Variants in SEMA6A observed in about 807,000 individuals in gnomAD.
SEMA6A encodes semaphorin 6A.
In SEMA6A, 25 loss-of-function variants were observed where a neutral mutation model predicts 96.8. That is an observed-to-expected ratio of 0.26 (90% CI 0.19 to 0.36). The LOEUF (loss-of-function observed/expected upper bound fraction) is 0.36. Among genes scored for constraint, SEMA6A ranks in the 10% least tolerant of loss-of-function variants. SEMA6A has a pLI of 1.00. For synonymous variants in SEMA6A, 612 were observed against 518.0 expected (o/e 1.18, Z -2.46); for missense variants, 1,363 against 1,323.1 (o/e 1.03, Z -0.47).
At chr5:116,493,099 G>A (rs1394856255) in intron 6 of SEMA6A, among the ~76,000 whole-genome samples, 1 of 152,220 alleles carries the variant, frequency 6.6e-6, no homozygotes, top group Non-Finnish European at 1.5e-5. Context: ...GCATGTCTCA[G>A]CAGGTGTGGC....
chr5:116,497,423 C>T (rs766826478), intron 3 of SEMA6A, 36 bp from the exon 4 acceptor site: 2 of 1,334,122 alleles, frequency 1.5e-6, no homozygotes, highest in South Asian at 1.2e-5. Context: ...AGGTCAAACA[C>T]AGAGTCAAAA....
Position 116,467,972 on chromosome 5 carries a change from A to G in SEMA6A, c.1730-225T>C, listed in dbSNP as rs1755878864. 6 of 536,102 alleles carry G rather than the reference A, an allele frequency of 1.1e-5. No homozygotes were observed. The Admixed American group carries it at 2.0e-4, about 18-fold the overall frequency. 33.2% of individuals were successfully genotyped at this position (536,102 alleles called of 1,614,324 possible). A position where few individuals can be genotyped will look rare whatever the true frequency, so the allele number is the denominator to read the frequency against. On this transcript the variant is annotated intron_variant, in intron 17 of 18. Coordinates refer to ENST00000343348, the MANE Select transcript of SEMA6A (RefSeq NM_020796.5). ...TTGTAGTTAGAAAATGAAGGGCCAG[A>G]TCCTATCTCTCATACTTGCTGGGTG... is the stretch of plus-strand genomic sequence containing the variant.
At chr5:116,496,090 T>A in intron 5 of SEMA6A, 161 bp downstream of exon 5, 1 of 609,380 alleles carries the variant, frequency 1.6e-6, no homozygotes, top group Admixed American at 3.0e-5. Context: ...AAAAGCAAAC[T>A]ATTTTTGCAA....
chr5:116,561,862 C>T (rs1406993884), intron 1 of SEMA6A, among the ~76,000 whole-genome samples: 2 of 152,150 alleles, frequency 1.3e-5, no homozygotes, highest in Non-Finnish European at 2.9e-5. Flanking sequence ...GCATATTCAA[C>T]ATGTTGAACT....
intron 17 of SEMA6A, chr5:116,471,544 G>C (rs1352306501): frequency 1.3e-5 from 2 of 152,160 alleles, no homozygotes; most frequent in African/African-American, 4.8e-5. Context: ...CCTCAAGGCA[G>C]TCTCAACTAG....
chr5:116,552,139 G>A (rs539100307), intron 1 of SEMA6A, among the ~76,000 whole-genome samples: 3 of 152,184 alleles, frequency 2.0e-5, no homozygotes, highest in African/African-American at 7.2e-5. Flanking sequence ...TGAGCTATAG[G>A]CTTGTTCTTG....
chr5:116,550,795 G>A (rs991906259), intron 1 of SEMA6A: 3 of 152,190 alleles, frequency 2.0e-5, no homozygotes, highest in Non-Finnish European at 4.4e-5. Flanking sequence ...TTCTCAGGAT[G>A]ATTAATTAAA....
chr5:116,501,642 C>T (rs1757886308), intron 3 of SEMA6A, among the ~76,000 whole-genome samples: 1 of 152,210 alleles, frequency 6.6e-6, no homozygotes, highest in South Asian at 2.1e-4. Flanking sequence ...AATCCCAGCA[C>T]TTTGGGAGGC....
At chr5:116,545,519 G>T in intron 1 of SEMA6A, among the ~76,000 whole-genome samples, 1 of 152,052 alleles carries the variant, frequency 6.6e-6, no homozygotes, top group East Asian at 1.9e-4. Flanking sequence ...GTAGTGAGCC[G>T]AGATTGCGCC....
At chr5:116,511,714 C>G (rs1758414034) in intron 1 of SEMA6A, among the ~76,000 whole-genome samples, 1 of 152,136 alleles carries the variant, frequency 6.6e-6, no homozygotes, top group South Asian at 2.1e-4. Flanking sequence ...GTGATTGCAG[C>G]CTTAAGGTGA....
chr5:116,487,055 A>C (rs1174992709), intron 9 of SEMA6A, 89 bp from the exon 10 acceptor site: 1 of 910,840 alleles, frequency 1.1e-6, no homozygotes, highest in Non-Finnish European at 1.8e-6. Flanking sequence ...AAACAGAAAC[A>C]AAACAACAAG....
At chr5:116,554,121 G>C (rs188607826) in intron 1 of SEMA6A, among the ~76,000 whole-genome samples, 1 of 152,278 alleles carries the variant, frequency 6.6e-6, no homozygotes. Context: ...CAGTAAAAGT[G>C]TTTTAAACCA....
chr5:116,452,726 G>C (rs748716992), intron 18 of SEMA6A, among the ~76,000 whole-genome samples: 3 of 152,152 alleles, frequency 2.0e-5, no homozygotes, highest in African/African-American at 4.8e-5. Context: ...CGTGCAAAGG[G>C]AACCTAGCAC....
At chr5:116,462,319 G>C (rs1463159787) in intron 18 of SEMA6A, among the ~76,000 whole-genome samples, 1 of 152,184 alleles carries the variant, frequency 6.6e-6, no homozygotes, top group Non-Finnish European at 1.5e-5. Context: ...GAGAAAAGGA[G>C]AAGGGTCAAG....
In SEMA6A at chr5:116,447,424, G is replaced by C; in HGVS notation, c.2282C>G (p.Thr761Ser). 6.2e-7 allele frequency: 1 copy of C among 1,614,084 alleles called. No individual in the cohort carries two copies. Among genetic ancestry groups the C allele is most frequent in the Non-Finnish European group, 8.5e-7 (1 of 1,179,906 alleles). Residue 761 changes from threonine (T) to serine (S), a missense_variant, in exon 19 of 19, where the codon ACC becomes AGC. Coordinates refer to ENST00000343348, the MANE Select transcript of SEMA6A (RefSeq NM_020796.5). Reference protein sequence around the residue: ...DLTALPTPESTPTLQQKRKPS... With the variant: ...DLTALPTPESSPTLQQKRKPS... ...CTTCCGCTTCTGCTGCAGCGTTGGGGTTGACTCTGGGGTGGGGAGGGCCGT... is the reference window on the plus strand; with the variant it reads ...CTTCCGCTTCTGCTGCAGCGTTGGGCTTGACTCTGGGGTGGGGAGGGCCGT...
At chr5:116,484,135 A>G (rs1438915544) in intron 10 of SEMA6A, among the ~76,000 whole-genome samples, 1 of 151,450 alleles carries the variant, frequency 6.6e-6, no homozygotes, top group Non-Finnish European at 1.5e-5. Flanking sequence ...TGCATTATTT[A>G]TTTGATTTCG....
In SEMA6A at chr5:116,446,491, C is replaced by CCTCGGG. The variant is rs1320332593; in HGVS notation, c.*121_*122insCCCGAG. 1.2e-6 allele frequency: 1 copy of CCTCGGG among 846,940 alleles called. No homozygotes were observed. Among genetic ancestry groups the CCTCGGG allele is most frequent in the Non-Finnish European group, 1.7e-6 (1 of 571,724 alleles). The allele number at this position is 846,940 out of a possible 1,614,324, so 52.5% of individuals were successfully genotyped here. A position where few individuals can be genotyped will look rare whatever the true frequency, so the allele number is the denominator to read the frequency against. ...TGTCCCAGAGAGGAGGACCCAGCGT[C>CCTCGGG]CTCGGCTCTGCCGCAGGCCTTCTTG... On this transcript the variant is annotated 3_prime_UTR_variant, in exon 19 of 19. Transcript: ENST00000343348.
At chr5:116,456,445 G>A (rs1290491165) in intron 18 of SEMA6A, among the ~76,000 whole-genome samples, 1 of 152,078 alleles carries the variant, frequency 6.6e-6, no homozygotes, top group African/African-American at 2.4e-5. Flanking sequence ...AATAGAAATC[G>A]ACCTTGTTTT....
At chr5:116,549,137 T>G (rs1199767711) in intron 1 of SEMA6A, among the ~76,000 whole-genome samples, 4 of 152,170 alleles carry the variant, frequency 2.6e-5, no homozygotes, top group Non-Finnish European at 4.4e-5. Flanking sequence ...ACATGCTAAA[T>G]TCCCTTAATA....
Sources: allele counts gnomAD v4.1 joint callset (sites outside exome capture counted in the v4.1 genomes callset), GRCh38; gene constraint gnomAD v4.1.1; transcripts MANE v1.5; gene names NCBI Gene and HGNC (gene_info 2026-07-23, HGNC 2026-07-21).